STAM: variants seen among roughly 807,000 people sequenced by gnomAD.
The protein encoded by STAM is signal transducing adaptor molecule, also known as signal transducing adapter molecule 1.
STAM carries 16 observed loss-of-function variants against 63.4 expected under a neutral mutation model. The ratio of observed to expected loss-of-function variants is 0.25; its 90% confidence interval spans 0.17 to 0.38. The LOEUF (loss-of-function observed/expected upper bound fraction) is 0.38, where lower values mean the gene tolerates loss of function less well. STAM is among the 10% of genes least tolerant of loss of function. The pLI, the probability that STAM is intolerant of heterozygous loss-of-function variation, is 1.00. For missense variants in STAM, 636 were observed against 657.1 expected (o/e 0.97, Z 0.35); for synonymous variants, 238 against 223.9 (o/e 1.06, Z -0.56).
At chr10:17,673,671 C>A (rs887560646) in intron 2 of STAM, among the ~76,000 whole-genome samples, 37 of 152,280 alleles carry the variant, frequency 2.4e-4, no homozygotes, top group Non-Finnish European at 3.8e-4. Context: ...AGGAGAAAAA[C>A]CCCGCAAACC....
Position 17,646,566 on chromosome 10 carries a change from T to A in STAM, c.40+2187T>A, listed in dbSNP as rs1488401878. 5.9e-5 allele frequency among the ~76,000 whole-genome samples: 9 copies of A among 152,344 alleles called. No homozygotes were observed. The South Asian group carries it at 1.2e-3, about 21-fold the overall frequency. Reference sequence around the variant, plus strand: ...TTTGTTGAGTTGAGAATGTGTCAGTTGAGCCTGCCAGACATTATACTTCTT... The same window carrying A: ...TTTGTTGAGTTGAGAATGTGTCAGTAGAGCCTGCCAGACATTATACTTCTT... On this transcript the variant is annotated intron_variant, in intron 1 of 13. Coordinates refer to ENST00000377524, the MANE Select transcript of STAM (RefSeq NM_003473.4).
intron 9 of STAM, among the ~76,000 whole-genome samples, chr10:17,703,580 A>G (rs1465358343): frequency 6.6e-6 from 1 of 152,162 alleles, no homozygotes; most frequent in East Asian, 1.9e-4. Flanking sequence ...TGGATTTTTT[A>G]AAAAACATAA....
Position 17,712,526 on chromosome 10 carries a change from A to C in STAM, c.1386-2017A>C, listed in dbSNP as rs78776567. Among the ~76,000 whole-genome samples, 721 of 152,342 alleles carry C rather than the reference A, an allele frequency of 4.7e-3. 10 individuals are homozygous for C. The highest frequency in any genetic ancestry group is 0.017 in the African/African-American group (698 of 41,574). On this transcript the variant is annotated intron_variant, in intron 13 of 13. Coordinates refer to ENST00000377524, the MANE Select transcript of STAM (RefSeq NM_003473.4). ...ACCATCAAATAATGAATTTGTGCCA[A>C]GTACAAGAGCACTGAATTTCCCAAC... is the stretch of plus-strand genomic sequence containing the variant.
intron 9 of STAM, among the ~76,000 whole-genome samples, chr10:17,703,651 A>G (rs1047633392): frequency 2.0e-5 from 3 of 152,218 alleles, no homozygotes; most frequent in Non-Finnish European, 2.9e-5. Context: ...CATTCATTCC[A>G]TTGGTCTGTA....
At chr10:17,683,369 C>A (rs1351359320) in intron 2 of STAM, among the ~76,000 whole-genome samples, 4 of 152,012 alleles carry the variant, frequency 2.6e-5, no homozygotes, top group African/African-American at 9.7e-5. Flanking sequence ...ACAGTGTTGC[C>A]CAGGCTGGTC....
chr10:17,714,852 T>A lies in STAM; in HGVS notation c.*72T>A. The A allele has an allele frequency of 7.3e-7, 1 of 1,360,976 alleles. No homozygotes were observed. Among genetic ancestry groups the A allele is most frequent in the Non-Finnish European group, 1.0e-6 (1 of 952,578 alleles). The allele number at this position is 1,360,976 out of a possible 1,614,324, so 84.3% of individuals were successfully genotyped here. A position where few individuals can be genotyped will look rare whatever the true frequency, so the allele number is the denominator to read the frequency against. ...CAATGTTATGAGATTCATTACTATCTTAAGATGTGTTTATCCTCAGCTTAT... is the reference window on the plus strand; with the variant it reads ...CAATGTTATGAGATTCATTACTATCATAAGATGTGTTTATCCTCAGCTTAT... On this transcript the variant is annotated 3_prime_UTR_variant, in exon 14 of 14. Coordinates refer to ENST00000377524, the MANE Select transcript of STAM (RefSeq NM_003473.4).
chr10:17,648,461 G>C (rs1430420652), intron 1 of STAM, among the ~76,000 whole-genome samples: 2 of 152,198 alleles, frequency 1.3e-5, no homozygotes, highest in Non-Finnish European at 2.9e-5. Context: ...CCCCTTCCAT[G>C]CTGTGGAAGC....
At position 17,695,083 on chromosome 10, in the gene STAM, G is replaced by C. The variant is rs1554827290; in HGVS notation, c.570G>C (p.Gln190His). The change falls in exon 7 of 14, where the codon CAG (glutamine) becomes CAC (histidine). Residue 190 changes from glutamine to histidine, a missense_variant. Physicochemically the swap from Gln to His is conservative, Grantham distance 24. Transcript: ENST00000377524. ...IELSLKEQRQ[Q>H]STTLSTLYPS... The stretch of plus-strand genomic sequence containing the variant: ...TGTCTCTCAAGGAACAAAGGCAGCA[G>C]TCAACCACCCTTTCCACTTTGTATC... The C allele has an allele frequency of 1.2e-6, 2 of 1,613,930 alleles. No homozygotes were observed. The highest frequency in any genetic ancestry group is 2.2e-5 in the East Asian group (1 of 44,856).
chr10:17,646,600 C>A (rs1833529828), intron 1 of STAM, among the ~76,000 whole-genome samples: 1 of 152,138 alleles, frequency 6.6e-6, no homozygotes, highest in Non-Finnish European at 1.5e-5. Context: ...TTCAGTGTAG[C>A]AACATTGTTT....
chr10:17,663,912 A>G (rs1174239562), intron 2 of STAM, among the ~76,000 whole-genome samples: 2 of 152,060 alleles, frequency 1.3e-5, no homozygotes, highest in African/African-American at 2.4e-5. Context: ...GGGTCATATT[A>G]GGACATTCCT....
intron 8 of STAM, among the ~76,000 whole-genome samples, chr10:17,699,747 G>A (rs1019293121): frequency 1.3e-5 from 2 of 152,136 alleles, no homozygotes; most frequent in Admixed American, 6.6e-5. Context: ...TTGGAGTAGT[G>A]TGGATTTTCT....
chr10:17,689,302 A>C (rs1322556410), intron 5 of STAM, among the ~76,000 whole-genome samples: 3 of 152,142 alleles, frequency 2.0e-5, no homozygotes, highest in Non-Finnish European at 4.4e-5. Context: ...GAAATCTGTG[A>C]GTGTGGAGGG....
At chr10:17,673,819 A>G (rs1487186234) in intron 2 of STAM, among the ~76,000 whole-genome samples, 1 of 152,236 alleles carries the variant, frequency 6.6e-6, no homozygotes, top group Non-Finnish European at 1.5e-5. Context: ...CTAAGCGTTA[A>G]CTATTAGTGT....
intron 1 of STAM, among the ~76,000 whole-genome samples, chr10:17,646,381 T>C (rs112031205): frequency 6.6e-6 from 1 of 152,158 alleles, no homozygotes; most frequent in African/African-American, 2.4e-5. Flanking sequence ...ACAAAATACC[T>C]CCCAGTTGAG....
At chr10:17,681,249 C>T (rs781824698) in intron 2 of STAM, among the ~76,000 whole-genome samples, 8 of 145,112 alleles carry the variant, frequency 5.5e-5, no homozygotes, top group Non-Finnish European at 3.0e-5. Flanking sequence ...ATTACCTTCT[C>T]ACCGTTTTAC....
intron 2 of STAM, among the ~76,000 whole-genome samples, chr10:17,675,908 C>G (rs1834834759): frequency 6.6e-6 from 1 of 151,986 alleles, no homozygotes; most frequent in African/African-American, 2.4e-5. Flanking sequence ...GCACTGATAC[C>G]TACAAATAGC....
chr10:17,672,643 C>T (rs1228816119), intron 2 of STAM, among the ~76,000 whole-genome samples: 1 of 152,110 alleles, frequency 6.6e-6, no homozygotes, highest in Non-Finnish European at 1.5e-5. Flanking sequence ...AGCTGTTGCT[C>T]AAAGTAACAG....
At chr10:17,700,404 T>G in intron 9 of STAM, 125 bp downstream of exon 9, 1 of 706,846 alleles carries the variant, frequency 1.4e-6, no homozygotes. Flanking sequence ...TTTATAAAAA[T>G]TCAAGCAATA....
chr10:17,696,831 A>G lies in STAM; in HGVS notation c.785A>G (p.Asn262Ser). ...CAAGGCATAGGGTTATTTCCTTCTA[A>G]TTTTGTGACTGCAGATCTCACTGCT... ...THQGIGLFPSNFVTADLTAEP... is the reference protein window; with the variant it reads ...THQGIGLFPSSFVTADLTAEP... Residue 262 changes from asparagine (N) to serine (S), a missense_variant, in exon 8 of 14, where the codon AAT becomes AGT. Asn to Ser is a conservative substitution (Grantham distance 46). This residue lies in a region of STAM where 532 missense variants were observed against 536.9 expected (regional missense o/e 0.99). Transcript: ENST00000377524. 6.2e-7 allele frequency: 1 copy of G among 1,614,118 alleles called. No individual in the cohort carries two copies. The highest frequency in any genetic ancestry group is 1.1e-5 in the South Asian group (1 of 91,086).
Sources: allele counts gnomAD v4.1 joint callset (sites outside exome capture counted in the v4.1 genomes callset), GRCh38; gene constraint gnomAD v4.1.1; regional missense constraint gnomAD v4.1.1; transcripts MANE v1.5; gene names NCBI Gene and HGNC (gene_info 2026-07-23, HGNC 2026-07-21).